CCDC171: variants seen among roughly 807,000 people sequenced by gnomAD.
CCDC171 encodes coiled-coil domain-containing protein 171.
Under a neutral mutation model 168.2 loss-of-function variants are expected in CCDC171, and 177 were observed. The ratio of observed to expected loss-of-function variants is 1.05; its 90% CI spans 0.93 to 1.19. The LOEUF (loss-of-function observed/expected upper bound fraction) is 1.19. Among genes scored for constraint, CCDC171 ranks in the 50% most tolerant of loss-of-function variants. The pLI is 0.00. For missense variants in CCDC171, 1,991 were observed against 1,539.0 expected (o/e 1.29, Z -4.91); for synonymous variants, 687 against 540.8 (o/e 1.27, Z -3.75).
At chr9:15,949,715 T>A (rs1828886038) in intron 25 of CCDC171, among the ~76,000 whole-genome samples, 2 of 152,208 alleles carry the variant, frequency 1.3e-5, no homozygotes, top group Admixed American at 1.3e-4. Flanking sequence ...GCTGAGACGA[T>A]GGGGTTTTCT....
the CCDC171 span, among the ~76,000 whole-genome samples, chr9:16,096,786 C>T: frequency 3.3e-5 from 5 of 152,264 alleles, no homozygotes; most frequent in Admixed American, 6.5e-5. Flanking sequence ...TTAGACCCAG[C>T]GTACTGCACC....
chr9:15,871,181 C>T (rs185971742), intron 23 of CCDC171, among the ~76,000 whole-genome samples: 6 of 151,362 alleles, frequency 4.0e-5, no homozygotes, highest in South Asian at 2.1e-4. Context: ...TTTTAAAGAA[C>T]GTTATAGAAT....
At chr9:15,786,904 T>A (rs10962158) in intron 21 of CCDC171, among the ~76,000 whole-genome samples, 58,306 of 151,840 alleles carry the variant, frequency 0.38, 12,978 homozygotes, top group East Asian at 0.65. Flanking sequence ...AGCTTTCCAC[T>A]GCCTACCCGA....
chr9:15,612,485 C>G (rs1328495187), intron 6 of CCDC171, among the ~76,000 whole-genome samples: 1 of 152,064 alleles, frequency 6.6e-6, no homozygotes, highest in African/African-American at 2.4e-5. Flanking sequence ...TAGTGGTCCC[C>G]TCTTGGTGTT....
At chr9:15,743,182 T>C in intron 16 of CCDC171, among the ~76,000 whole-genome samples, 1 of 70,392 alleles carries the variant, frequency 1.4e-5, no homozygotes, top group South Asian at 5.3e-4. Context: ...TTTTTTTTTT[T>C]TGAGACAGCG....
chr9:15,564,637 T>C (rs1412979211), intron 2 of CCDC171, among the ~76,000 whole-genome samples: 2 of 152,258 alleles, frequency 1.3e-5, no homozygotes, highest in African/African-American at 4.8e-5. Flanking sequence ...TTTGTACCAT[T>C]GATTTCTGCC....
At chr9:15,766,212 T>G (rs2056713135) in intron 18 of CCDC171, among the ~76,000 whole-genome samples, 1 of 152,138 alleles carries the variant, frequency 6.6e-6, no homozygotes, top group African/African-American at 2.4e-5. Context: ...GTAGTGCATA[T>G]GAAGCTCCTG....
intron 10 of CCDC171, among the ~76,000 whole-genome samples, chr9:15,691,383 C>G (rs1481664943): frequency 1.3e-5 from 2 of 150,152 alleles, no homozygotes; most frequent in Non-Finnish European, 3.0e-5. Flanking sequence ...TAGATATTTC[C>G]TATAATTATA....
At chr9:15,770,861 A>G (rs1396681690) in intron 18 of CCDC171, among the ~76,000 whole-genome samples, 2 of 152,182 alleles carry the variant, frequency 1.3e-5, no homozygotes, top group Non-Finnish European at 2.9e-5. Context: ...GGTCACCTCC[A>G]ACCATTCTTA....
chr9:15,601,653 T>C (rs943601823), intron 6 of CCDC171, among the ~76,000 whole-genome samples: 33 of 152,188 alleles, frequency 2.2e-4, no homozygotes, highest in African/African-American at 7.7e-4. Context: ...AAATATTGTT[T>C]GATAAAATTT....
At chr9:16,029,367 G>A (rs762322456) in intron 6 of CCDC171, among the ~76,000 whole-genome samples, 14 of 152,194 alleles carry the variant, frequency 9.2e-5, no homozygotes, top group Non-Finnish European at 1.9e-4. Context: ...GAGTAACCTC[G>A]TTTTAAAGGA....
chr9:15,553,115 C>A lies in CCDC171; in HGVS notation c.-299C>A, dbSNP rs538132681. ...GAAGTGGCAGTTGTAAACTTCACCT[C>A]CCGGGGGCTCTTCCCCTTCTGTACC... is the stretch of plus-strand genomic sequence containing the variant. On this transcript the variant is annotated 5_prime_UTR_variant, in exon 1 of 26. Transcript: ENST00000380701. 1 of 152,682 alleles carries A rather than the reference C, an allele frequency of 6.5e-6. No homozygotes were observed. The highest frequency in any genetic ancestry group is 2.1e-4 in the South Asian group (1 of 4,832). 9.5% of individuals were successfully genotyped at this position (152,682 alleles called of 1,614,324 possible).
chr9:15,799,911 A>C (rs1333846639), intron 21 of CCDC171, among the ~76,000 whole-genome samples: 1 of 152,120 alleles, frequency 6.6e-6, no homozygotes, highest in African/African-American at 2.4e-5. Context: ...CACTTAACAT[A>C]ATGACCTCCA....
upstream of CCDC171, among the ~76,000 whole-genome samples, chr9:16,042,616 G>A (rs1303174275): frequency 2.0e-5 from 3 of 152,178 alleles, no homozygotes; most frequent in Admixed American, 1.3e-4. Context: ...GGGCACATTT[G>A]AGTTCAATAC....
At chr9:15,632,943 T>C (rs981663794) in intron 7 of CCDC171, among the ~76,000 whole-genome samples, 1 of 152,216 alleles carries the variant, frequency 6.6e-6, no homozygotes, top group Admixed American at 6.5e-5. Flanking sequence ...GTTTAATAAA[T>C]GGTGCTGGGA....
intron 11 of CCDC171, 105 bp from the exon 12 acceptor site, chr9:15,721,664 A>T: frequency 2.2e-6 from 1 of 458,570 alleles, no homozygotes; most frequent in Non-Finnish European, 3.9e-6. Context: ...TAGTTTCATA[A>T]CGTCTTTTCA....
chr9:15,637,655 T>C (rs567012157), intron 7 of CCDC171, among the ~76,000 whole-genome samples: 1 of 126,566 alleles, frequency 7.9e-6, no homozygotes, highest in East Asian at 2.6e-4. Context: ...GAGTGTGATG[T>C]TCCCCTTCCT....
intron 21 of CCDC171, among the ~76,000 whole-genome samples, chr9:15,785,242 G>C (rs2057880575): frequency 6.6e-6 from 1 of 152,088 alleles, no homozygotes; most frequent in African/African-American, 2.4e-5. Flanking sequence ...TCATTAATGG[G>C]TTTAAATGTT....
rs2060914356 is a variant in CCDC171, at chr9:15,846,786, G to GAC, written c.3354_3355dup (p.Lys1119ThrfsTer30). ...TAGACATCTTACCCAGCTGGAGCAG[G>GAC]ACAAGCGTCGACTGGAGGAGAACAT... On this transcript the variant is annotated frameshift_variant, in exon 22 of 26. Coordinates refer to ENST00000380701, the MANE Select transcript of CCDC171 (RefSeq NM_173550.4). LOFTEE classifies it high-confidence loss of function. 6.2e-7 allele frequency: 1 copy of GAC among 1,611,938 alleles called. No homozygotes were observed. Among genetic ancestry groups the GAC allele is most frequent in the Non-Finnish European group, 8.5e-7 (1 of 1,179,008 alleles).
Sources: allele counts gnomAD v4.1 joint callset (sites outside exome capture counted in the v4.1 genomes callset), GRCh38; gene constraint gnomAD v4.1.1; transcripts MANE v1.5; gene names NCBI Gene and HGNC (gene_info 2026-07-23, HGNC 2026-07-21).